Variants in PHRF1 observed in about 807,000 individuals in gnomAD.
PHRF1 encodes PHD and ring finger domains 1.
Under a neutral mutation model 128.9 loss-of-function variants are expected in PHRF1, and 53 were observed. The observed-to-expected ratio is 0.41, with a 90% CI of 0.33 to 0.52. The LOEUF is 0.52. Ranked by LOEUF, PHRF1 falls within the 20% of genes least tolerant of loss-of-function variation. The pLI, the probability that PHRF1 is intolerant of heterozygous loss-of-function variation, is 0.21. For missense variants in PHRF1, 2,503 were observed against 2,284.5 expected (o/e 1.10, Z -1.95); for synonymous variants, 1,178 against 980.6 (o/e 1.20, Z -3.76).
intron 13 of PHRF1, 84 bp from the exon 14 acceptor site, chr11:606,982 A>G: frequency 6.6e-7 from 1 of 1,510,336 alleles, no homozygotes; most frequent in South Asian, 1.3e-5. Context: ...ACCTCACAGA[A>G]AACCAGTTGT....
intron 5 of PHRF1, among the ~76,000 whole-genome samples, 183 bp downstream of exon 5, chr11:591,650 G>A (rs537579198): frequency 2.6e-5 from 4 of 152,324 alleles, no homozygotes; most frequent in African/African-American, 9.6e-5. Flanking sequence ...GGTCTGGGTT[G>A]GGGGTTAGAG....
At chr11:583,507 A>G (rs1854344941) in intron 3 of PHRF1, among the ~76,000 whole-genome samples, 2 of 152,168 alleles carry the variant, frequency 1.3e-5, no homozygotes, top group African/African-American at 4.8e-5. Context: ...ACAGAGCGAG[A>G]CTCTGTCTCA....
At position 610,775 on chromosome 11, in the gene PHRF1, C is replaced by T. The variant is rs747601072; in HGVS notation, c.4677+14C>T. On this transcript the variant is annotated intron_variant, in intron 16 of 17. Coordinates refer to ENST00000264555, the MANE Select transcript of PHRF1 (RefSeq NM_001286581.2). ...AAGAAGGAGGAGGTGAGTCCTGCCTCCTCCCACTTTCCCCATGTTCCCATC... is the reference window on the plus strand; with the variant it reads ...AAGAAGGAGGAGGTGAGTCCTGCCTTCTCCCACTTTCCCCATGTTCCCATC... 6 of 1,597,430 alleles carry T rather than the reference C, an allele frequency of 3.8e-6. No individual in the cohort carries two copies. The South Asian group carries it at 5.5e-5, about 15-fold the overall frequency.
intron 6 of PHRF1, among the ~76,000 whole-genome samples, chr11:595,544 G>T (rs544965137): frequency 6.6e-6 from 1 of 152,240 alleles, no homozygotes; most frequent in Admixed American, 6.5e-5. Context: ...AGCCATGGGT[G>T]CCTGCACCGT....
At chr11:590,486 A>G (rs1854902842) in intron 4 of PHRF1, among the ~76,000 whole-genome samples, 1 of 152,154 alleles carries the variant, frequency 6.6e-6, no homozygotes. Flanking sequence ...ACAGGAAGAA[A>G]CAGTCAGGTG....
intron 6 of PHRF1, among the ~76,000 whole-genome samples, chr11:595,539 T>G (rs998268107): frequency 1.3e-5 from 2 of 152,200 alleles, no homozygotes; most frequent in African/African-American, 4.8e-5. Context: ...GGTGGAGCCA[T>G]GGGTGCCTGC....
chr11:585,579 C>CCTTTCCAGCATGAGGTAGTAGCT lies in PHRF1; in HGVS notation c.215-1671_215-1670insATGAGGTAGTAGCTCTTTCCAGC, dbSNP rs1854485898. On this transcript the variant is annotated intron_variant, in intron 3 of 17. Transcript: ENST00000264555. Reference sequence around the variant, plus strand: ...GCCCTTTCCAGCTTGAGGTAGTAGCCCTTTCCAGCTTGAGGTAGTAGCCCT... The same window carrying CCTTTCCAGCATGAGGTAGTAGCT: ...GCCCTTTCCAGCTTGAGGTAGTAGCCCTTTCCAGCATGAGGTAGTAGCTCTTTCCAGCTTGAGGTAGTAGCCCT... 2.0e-3 allele frequency among the ~76,000 whole-genome samples: 55 copies of CCTTTCCAGCATGAGGTAGTAGCT among 27,264 alleles called. 1 individual carries two copies. Among genetic ancestry groups the CCTTTCCAGCATGAGGTAGTAGCT allele is most frequent in the East Asian group, 5.0e-3 (6 of 1,212 alleles). 17.9% of individuals were successfully genotyped at this position (27,264 alleles called of 152,430 possible). A position where few individuals can be genotyped will look rare whatever the true frequency, so the allele number is the denominator to read the frequency against.
Position 592,540 on chromosome 11 carries a change from A to T in PHRF1, c.505-19A>T. On this transcript the variant is annotated intron_variant, in intron 5 of 17. Coordinates refer to ENST00000264555, the MANE Select transcript of PHRF1 (RefSeq NM_001286581.2). The stretch of plus-strand genomic sequence containing the variant: ...GGAGTTTGGGTCCTGTGTGGTGGTG[A>T]CCGACGATTCTGTCCTAGATCCCAG... 3 of 1,611,810 alleles carry T rather than the reference A, an allele frequency of 1.9e-6. No individual in the cohort carries two copies. Among genetic ancestry groups the T allele is most frequent in the Non-Finnish European group, 2.5e-6 (3 of 1,177,846 alleles).
chr11:606,874 G>C (rs927432250), intron 13 of PHRF1, 192 bp from the exon 14 acceptor site: 1 of 1,029,862 alleles, frequency 9.7e-7, no homozygotes, highest in Non-Finnish European at 1.4e-6. Flanking sequence ...CTCAGGCACT[G>C]TACTTTGTCA....
chr11:578,912 C>T (rs1189464305), intron 1 of PHRF1, among the ~76,000 whole-genome samples: 2 of 152,018 alleles, frequency 1.3e-5, no homozygotes, highest in South Asian at 2.1e-4. Flanking sequence ...TGTAGTGGCG[C>T]GATCTCAGCT....
chr11:585,941 A>C (rs1854528124), intron 3 of PHRF1, among the ~76,000 whole-genome samples: 1 of 152,086 alleles, frequency 6.6e-6, no homozygotes, highest in Admixed American at 6.6e-5. Flanking sequence ...GGCTCACTGC[A>C]ACCTCTGCTT....
At chr11:590,945 T>G (rs530895626) in intron 4 of PHRF1, among the ~76,000 whole-genome samples, 85 of 152,270 alleles carry the variant, frequency 5.6e-4, no homozygotes, top group African/African-American at 2.0e-3. Context: ...TCAGGTAATC[T>G]GCCTGCCTCG....
Position 610,516 on chromosome 11 carries a change from C to T in PHRF1, c.4432C>T (p.Leu1478=), listed in dbSNP as rs761934039. ...TDPSQVYSPG[L]PPAPAQPSSI... ...TCCCTCCCAGGTTTACAGCCCCGGCCTGCCGCCTGCCCCGGCCCAGCCCTC... is the reference window on the plus strand; with the variant it reads ...TCCCTCCCAGGTTTACAGCCCCGGCTTGCCGCCTGCCCCGGCCCAGCCCTC... The change falls in exon 16 of 18, where the codon CTG becomes TTG. Residue 1478 remains leucine, a synonymous_variant. Transcript: ENST00000264555. 6.2e-6 allele frequency: 10 copies of T among 1,603,764 alleles called. No individual in the cohort carries two copies. Among genetic ancestry groups the T allele is most frequent in the Non-Finnish European group, 7.6e-6 (9 of 1,178,634 alleles).
At chr11:580,166 C>G (rs184327851) in intron 1 of PHRF1, among the ~76,000 whole-genome samples, 1 of 152,246 alleles carries the variant, frequency 6.6e-6, no homozygotes, top group African/African-American at 2.4e-5. Flanking sequence ...CGCTGGATTC[C>G]TGACTCACTC....
At position 581,987 on chromosome 11, in the gene PHRF1, G is replaced by C; in HGVS notation, c.120G>C (p.Gly40=). 7 of 1,606,182 alleles carry C rather than the reference G, an allele frequency of 4.4e-6. No homozygotes were observed. Among genetic ancestry groups the C allele is most frequent in the Non-Finnish European group, 5.9e-6 (7 of 1,176,488 alleles). ...DFEESSVGSS[G]DSGDDSDSEH... The stretch of plus-strand genomic sequence containing the variant: ...AAGAAAGCAGCGTGGGCAGCAGTGG[G>C]GACTCTGGGGACGACAGTGACAGCG... Residue 40 remains glycine (G), a synonymous_variant, in exon 3 of 18, where the codon GGG becomes GGC. Coordinates refer to ENST00000264555, the MANE Select transcript of PHRF1 (RefSeq NM_001286581.2).
chr11:581,862 G>A, intron 2 of PHRF1, 100 bp from the exon 3 acceptor site: 1 of 1,445,250 alleles, frequency 6.9e-7, no homozygotes, highest in Non-Finnish European at 9.1e-7. Context: ...TAGCCGTTTG[G>A]CAGGTGCTCC....
At chr11:577,418 C>T (rs908587101) in intron 1 of PHRF1, among the ~76,000 whole-genome samples, 7 of 152,236 alleles carry the variant, frequency 4.6e-5, no homozygotes, top group Admixed American at 2.0e-4. Context: ...AATGGACAGG[C>T]TCTGAGGCCG....
At position 609,632 on chromosome 11, in the gene PHRF1, C is replaced by T. The variant is rs528290826; in HGVS notation, c.4176C>T (p.Pro1392=). The stretch of plus-strand genomic sequence containing the variant: ...CTGAGGAGGTGGTTTCGCAGACCCC[C>T]CTGCTGCGGTCCAGAGCCCTGGTGA... The part of the protein sequence containing the change: ...ARPEEVVSQT[P]LLRSRALVKR... The change falls in exon 14 of 18, where the codon CCC becomes CCT. Residue 1392 remains proline, a synonymous_variant. Transcript: ENST00000264555. 3.7e-5 allele frequency: 58 copies of T among 1,579,808 alleles called. No homozygotes were observed. The African/African-American group carries it at 7.3e-4, about 20-fold the overall frequency.
intron 1 of PHRF1, 140 bp downstream of exon 1, chr11:576,732 C>T (rs1251660119): frequency 4.8e-5 from 7 of 145,506 alleles, no homozygotes; most frequent in East Asian, 2.1e-4. Context: ...GGAGGGCGGG[C>T]GGGCGCGCGC....
Sources: allele counts gnomAD v4.1 joint callset (sites outside exome capture counted in the v4.1 genomes callset), GRCh38; gene constraint gnomAD v4.1.1; transcripts MANE v1.5; gene names NCBI Gene and HGNC (gene_info 2026-07-23, HGNC 2026-07-21).